The following DTNA variants were observed in gnomAD, a reference collection of about 807,000 sequenced individuals.
DTNA encodes dystrophin-related protein 3.
DTNA carries 43 observed loss-of-function variants against 100.7 expected under a neutral mutation model. The ratio of observed to expected loss-of-function variants is 0.43; its 90% confidence interval spans 0.33 to 0.55. The LOEUF is 0.55. DTNA is among the 20% of genes least tolerant of loss of function. The pLI is 0.04. For missense variants in DTNA, 798 were observed against 953.9 expected (o/e 0.84, Z 2.15); for synonymous variants, 349 against 347.9 (o/e 1.00, Z -0.04).
chr18:34,705,682 A>G (rs993806181), upstream of DTNA, among the ~76,000 whole-genome samples: 5 of 152,172 alleles, frequency 3.3e-5, no homozygotes, highest in Non-Finnish European at 7.4e-5. Context: ...AAACTCAGTA[A>G]TCTCCCTCCA....
At chr18:34,600,136 T>C (rs2051479066) in intron 1 of DTNA, among the ~76,000 whole-genome samples, 1 of 152,208 alleles carries the variant, frequency 6.6e-6, no homozygotes, top group South Asian at 2.1e-4. Flanking sequence ...AAATCTCTTG[T>C]TTAGGAGATA....
At chr18:34,745,241 A>G (rs983442127) in intron 1 of DTNA, among the ~76,000 whole-genome samples, 9 of 152,106 alleles carry the variant, frequency 5.9e-5, no homozygotes. Flanking sequence ...CAGCACTAAA[A>G]AAAAGAAAAT....
chr18:34,564,538 A>G (rs2046925452), intron 1 of DTNA, among the ~76,000 whole-genome samples: 1 of 152,250 alleles, frequency 6.6e-6, no homozygotes, highest in Admixed American at 6.5e-5. Flanking sequence ...TACTGGGAGC[A>G]TATTAAATAC....
intron 1 of DTNA, among the ~76,000 whole-genome samples, chr18:34,674,599 T>C (rs1031869603): frequency 3.3e-5 from 5 of 152,182 alleles, no homozygotes; most frequent in African/African-American, 1.2e-4. Flanking sequence ...TTGACGTTCT[T>C]AGGCTGATAA....
chr18:34,799,544 A>G (rs978586785), intron 4 of DTNA, among the ~76,000 whole-genome samples: 2 of 152,238 alleles, frequency 1.3e-5, no homozygotes, highest in Non-Finnish European at 2.9e-5. Context: ...CTCTTTTATT[A>G]TCTATACAGC....
intron 1 of DTNA, among the ~76,000 whole-genome samples, chr18:34,669,756 C>T (rs879618692): frequency 6.6e-6 from 1 of 152,138 alleles, no homozygotes; most frequent in African/African-American, 2.4e-5. Flanking sequence ...ATATTGGCCC[C>T]CACTCTCTTC....
intron 1 of DTNA, among the ~76,000 whole-genome samples, chr18:34,617,539 AG>A (rs1450573587): frequency 6.6e-6 from 1 of 152,028 alleles, no homozygotes; most frequent in Admixed American, 6.6e-5. Flanking sequence ...TATTTCCTTG[AG>A]GATTTTTGCA....
chr18:34,815,635 C>A (rs2095579630), intron 6 of DTNA: 1 of 391,168 alleles, frequency 2.6e-6, no homozygotes, highest in Admixed American at 3.9e-5. Context: ...TTCATATATA[C>A]AAATGATGCT....
chr18:34,538,733 T>C (rs1210656550), intron 1 of DTNA, among the ~76,000 whole-genome samples: 1 of 152,026 alleles, frequency 6.6e-6, no homozygotes, highest in Admixed American at 6.6e-5. Flanking sequence ...GTTTAAACAA[T>C]ATTTACCTCA....
intron 4 of DTNA, among the ~76,000 whole-genome samples, chr18:34,804,427 C>A (rs1037115919): frequency 1.3e-5 from 2 of 152,010 alleles, no homozygotes; most frequent in Non-Finnish European, 2.9e-5. Context: ...AGGTTATGAC[C>A]GTGTTAAAGC....
rs577410301 is a variant in DTNA at position 34,697,272 on chromosome 18, G to A, written c.-1-58704G>A. 7.9e-5 allele frequency among the ~76,000 whole-genome samples: 12 copies of A among 152,292 alleles called. No individual in the cohort carries two copies. The South Asian group carries it at 2.1e-3, about 26-fold the overall frequency. Reference sequence around the variant, plus strand: ...TCAGAAGGTTAACTTGCTCAAGGCCGTGCAGTAAACAAGTAGTGGACCCTG... The same window carrying A: ...TCAGAAGGTTAACTTGCTCAAGGCCATGCAGTAAACAAGTAGTGGACCCTG... On this transcript the variant is annotated intron_variant, in intron 1 of 19. Transcript: ENST00000283365.
chr18:34,829,306 T>A lies in DTNA; in HGVS notation c.1086-94T>A, dbSNP rs2095942373. ...TTTCTGTTTTGAGGGTGCTGTTCAA[T>A]AAAGCTGTGTACACTAAATGTCTTT... On this transcript the variant is annotated intron_variant, in intron 10 of 22. Coordinates refer to ENST00000444659, the MANE Select transcript of DTNA (RefSeq NM_001386795.1). The A allele has an allele frequency of 2.0e-6, 3 of 1,524,084 alleles. No individual in the cohort carries two copies. In the South Asian group the frequency reaches 3.6e-5, roughly 18 times the overall value. 94.4% of individuals were successfully genotyped at this position (1,524,084 alleles called of 1,614,324 possible). A position where few individuals can be genotyped will look rare whatever the true frequency, so the allele number is the denominator to read the frequency against.
chr18:34,860,357 G>A (rs766287839), intron 16 of DTNA, among the ~76,000 whole-genome samples: 14 of 143,434 alleles, frequency 9.8e-5, no homozygotes, highest in African/African-American at 3.1e-4. Context: ...GTGAGCCACC[G>A]CGCCCAGCCC....
chr18:34,542,324 T>C (rs1465022129), intron 1 of DTNA, among the ~76,000 whole-genome samples: 1 of 152,062 alleles, frequency 6.6e-6, no homozygotes, highest in Non-Finnish European at 1.5e-5. Context: ...TTCAAATTGC[T>C]TCAGTGATTA....
intron 1 of DTNA, among the ~76,000 whole-genome samples, chr18:34,495,210 C>T (rs983437669): frequency 6.6e-6 from 1 of 152,204 alleles, no homozygotes; most frequent in African/African-American, 2.4e-5. Flanking sequence ...TAGGTATGTG[C>T]TGCATGTTCA....
Position 34,815,962 on chromosome 18 carries a change from G to A in DTNA, c.657G>A (p.Pro219=), listed in dbSNP as rs140446215. Residue 219 remains proline (P), a synonymous_variant, in exon 7 of 23, where the codon CCG becomes CCA. Transcript: ENST00000444659. ...ACACGCTTATGTCAGATCCTCCCCCGCAGTGTCTGGTCTGGTTGCCTCTTC... is the reference window on the plus strand; with the variant it reads ...ACACGCTTATGTCAGATCCTCCCCCACAGTGTCTGGTCTGGTTGCCTCTTC... ...FLDTLMSDPP[P]QCLVWLPLLH... 5.3e-5 allele frequency: 85 copies of A among 1,613,622 alleles called. No homozygotes were observed. The highest frequency in any genetic ancestry group is 1.3e-4 in the African/African-American group (10 of 74,868).
At chr18:34,821,108 AG>A (rs770172319) in intron 9 of DTNA, 193 bp downstream of exon 9, 12 of 770,470 alleles carry the variant, frequency 1.6e-5, no homozygotes, top group Middle Eastern at 2.2e-4. Context: ...AGGCTGGACA[AG>A]TAAAGTATGC....
chr18:34,873,946 G>A (rs533568713), intron 17 of DTNA, among the ~76,000 whole-genome samples: 1 of 152,304 alleles, frequency 6.6e-6, no homozygotes, highest in South Asian at 2.1e-4. Flanking sequence ...ACTGTTGAGA[G>A]TGAAAGAATG....
chr18:34,794,239 A>G lies in DTNA; in HGVS notation c.351A>G (p.Ala117=). ...SISLLLNFLL[A]AFDPEGHGKI... is the part of the protein sequence containing the mutation. ...GCCTCCTCCTTAACTTCCTGCTTGC[A>G]GCGTTTGATCCGTAAGCACCCTCTG... The change falls in exon 4 of 23, where the codon GCA becomes GCG. Residue 117 remains alanine, a synonymous_variant. Coordinates refer to ENST00000444659, the MANE Select transcript of DTNA (RefSeq NM_001386795.1). 6.2e-7 allele frequency: 1 copy of G among 1,613,976 alleles called. No individual in the cohort carries two copies.
Sources: gnomAD v4.1 joint callset for allele counts (sites outside exome capture counted in the v4.1 genomes callset) on GRCh38, gnomAD v4.1.1 for gene constraint, MANE v1.5 for transcripts, NCBI Gene and HGNC (gene_info 2026-07-23, HGNC 2026-07-21) for gene names.